Variants in PAAF1 observed in about 807,000 individuals in gnomAD.
PAAF1 encodes proteasomal ATPase associated factor 1.
Under a neutral mutation model 52.8 loss-of-function variants are expected in PAAF1, and 46 were observed. The observed-to-expected ratio is 0.87, with a 90% CI of 0.69 to 1.11. The LOEUF (loss-of-function observed/expected upper bound fraction) is 1.11, where lower values mean the gene tolerates loss of function less well. PAAF1 is among the 50% of genes most tolerant of loss of function. The probability of loss-of-function intolerance (pLI) is 0.00; values close to 1 mark genes in which losing one functional copy is unlikely to be tolerated. For synonymous variants in PAAF1, 178 were observed against 172.8 expected (o/e 1.03, Z -0.24); for missense variants, 424 against 477.4 (o/e 0.89, Z 1.04).
chr11:73,897,558 A>G (rs1393125315), intron 4 of PAAF1, among the ~76,000 whole-genome samples: 1 of 149,616 alleles, frequency 6.7e-6, no homozygotes, highest in Non-Finnish European at 1.5e-5. Context: ...GCGGCCGGGC[A>G]GAGACGCTCC....
intron 4 of PAAF1, among the ~76,000 whole-genome samples, chr11:73,896,752 C>T (rs553359887): frequency 1.4e-4 from 22 of 152,362 alleles, no homozygotes; most frequent in Admixed American, 3.3e-4. Flanking sequence ...CCACCTTTCC[C>T]CCCTTTCTAT....
intron 4 of PAAF1, among the ~76,000 whole-genome samples, chr11:73,893,402 A>G (rs1332616316): frequency 1.3e-5 from 2 of 152,096 alleles, no homozygotes; most frequent in Non-Finnish European, 2.9e-5. Context: ...CTTATGTTAA[A>G]TCAATAAAAT....
chr11:73,927,322 G>C lies in PAAF1; in HGVS notation c.1139G>C (p.Arg380Pro). Residue 380 changes from arginine to proline, a missense_variant, in exon 12 of 12, where the codon CGA (arginine) becomes CCA (proline). By Grantham distance (103) the Arg-to-Pro change is moderately radical (BLOSUM62 -2). Coordinates refer to ENST00000310571, the MANE Select transcript of PAAF1 (RefSeq NM_025155.3). ...TWEKQIYTCC[R>P]DGLVRRYQLS... is the part of the protein sequence containing the mutation. The stretch of plus-strand genomic sequence containing the variant: ...GAGAAGCAGATCTACACATGCTGTC[G>C]AGACGGTCTTGTACGACGCTACCAG... 6.2e-7 allele frequency: 1 copy of C among 1,614,118 alleles called. No individual in the cohort carries two copies. Among genetic ancestry groups the C allele is most frequent in the Non-Finnish European group, 8.5e-7 (1 of 1,180,004 alleles).
At chr11:73,910,148 C>T (rs192268545) in intron 7 of PAAF1, among the ~76,000 whole-genome samples, 2 of 152,232 alleles carry the variant, frequency 1.3e-5, no homozygotes, top group East Asian at 3.9e-4. Context: ...GCATTGAACT[C>T]CTGGGCTCAA....
intron 10 of PAAF1, among the ~76,000 whole-genome samples, chr11:73,923,557 A>T (rs987918059): frequency 6.6e-6 from 1 of 152,052 alleles, no homozygotes; most frequent in Non-Finnish European, 1.5e-5. Flanking sequence ...TTATTTTGAG[A>T]CAGAGTCTCA....
At chr11:73,904,898 G>A (rs1034211884) in intron 6 of PAAF1, among the ~76,000 whole-genome samples, 1 of 152,146 alleles carries the variant, frequency 6.6e-6, no homozygotes, top group Non-Finnish European at 1.5e-5. Flanking sequence ...TTTCTTGAAG[G>A]CAAATGCTTT....
chr11:73,911,527 TTTTCA>T (rs1307988475), intron 7 of PAAF1, among the ~76,000 whole-genome samples: 1 of 152,094 alleles, frequency 6.6e-6, no homozygotes, highest in Non-Finnish European at 1.5e-5. Context: ...TTTCTGTAAT[TTTTCA>T]TTTCCCATTT....
intron 7 of PAAF1, among the ~76,000 whole-genome samples, chr11:73,912,991 C>T (rs1483535833): frequency 6.6e-6 from 1 of 152,232 alleles, no homozygotes; most frequent in Admixed American, 6.5e-5. Flanking sequence ...ATTCTCCCGC[C>T]TCAGCCTCCC....
intron 7 of PAAF1, among the ~76,000 whole-genome samples, chr11:73,909,906 A>T (rs1949882069): frequency 6.6e-6 from 1 of 152,192 alleles, no homozygotes. Context: ...TGGGCCACAC[A>T]TAAAATACAC....
rs1422169790 is a variant in PAAF1, at chr11:73,918,935, T to G, written c.936-15T>G. 4 of 1,609,812 alleles carry G rather than the reference T, an allele frequency of 2.5e-6. No homozygotes were observed. Among genetic ancestry groups the G allele is most frequent in the Non-Finnish European group, 3.4e-6 (4 of 1,177,028 alleles). ...GAAGAAAGAAAGTAAAATTTCCCCT[T>G]TCTCTGAATCCTAGGGCTCCGGTAC... On this transcript the variant is annotated splice_polypyrimidine_tract_variant and intron_variant, in intron 9 of 11. Coordinates refer to ENST00000310571, the MANE Select transcript of PAAF1 (RefSeq NM_025155.3).
In PAAF1 at chr11:73,916,559, T is replaced by C. The variant is rs1456825789; in HGVS notation, c.834T>C (p.Ile278=). 1 of 1,612,136 alleles carries C rather than the reference T, an allele frequency of 6.2e-7. No individual in the cohort carries two copies. Among genetic ancestry groups the C allele is most frequent in the East Asian group, 2.2e-5 (1 of 44,850 alleles). ...LQSRQLVFLF[I]GSDAFNCCTF... The stretch of plus-strand genomic sequence containing the variant: ...CTTGTTCCCAGGTGTTCCTCTTTAT[T>C]GGCTCAGACGCTTTCAACTGCTGTA... The change falls in exon 9 of 12, where the codon ATT becomes ATC. Residue 278 remains isoleucine (I), a synonymous_variant. Coordinates refer to ENST00000310571, the MANE Select transcript of PAAF1 (RefSeq NM_025155.3).
intron 7 of PAAF1, among the ~76,000 whole-genome samples, chr11:73,910,602 G>A (rs1949901407): frequency 6.6e-6 from 1 of 152,006 alleles, no homozygotes; most frequent in Non-Finnish European, 1.5e-5. Flanking sequence ...TGTTCCATAG[G>A]ACAATGTTTT....
rs1950444546 is a variant in PAAF1 at position 73,930,604 on chromosome 11, A to G, written c.*3242A>G. 1 of 151,578 alleles carries G rather than the reference A, an allele frequency of 6.6e-6. No individual in the cohort carries two copies. The highest frequency in any genetic ancestry group is 1.5e-5 in the Non-Finnish European group (1 of 67,940). The allele number at this position is 151,578 out of a possible 1,614,324, so 9.4% of individuals were successfully genotyped here. A position where few individuals can be genotyped will look rare whatever the true frequency, so the allele number is the denominator to read the frequency against. On this transcript the variant is annotated 3_prime_UTR_variant, in exon 12 of 12. Transcript: ENST00000310571. Reference sequence around the variant, plus strand: ...TCTACTAAAAATACAAAACTTAGCCAGGTGTGGTGGTGGGCACCTGTAATA... The same window carrying G: ...TCTACTAAAAATACAAAACTTAGCCGGGTGTGGTGGTGGGCACCTGTAATA...
At chr11:73,899,757 C>T (rs1405304353) in intron 5 of PAAF1, among the ~76,000 whole-genome samples, 3 of 152,118 alleles carry the variant, frequency 2.0e-5, no homozygotes, top group Non-Finnish European at 4.4e-5. Context: ...AGTGATTTGG[C>T]AGAACAGAGT....
At chr11:73,926,434 C>T (rs577119886) in intron 11 of PAAF1, among the ~76,000 whole-genome samples, 7 of 152,178 alleles carry the variant, frequency 4.6e-5, no homozygotes, top group Non-Finnish European at 1.0e-4. Context: ...CGTAGTGTTC[C>T]GGCCGGGCGT....
intron 8 of PAAF1, among the ~76,000 whole-genome samples, chr11:73,915,213 C>A (rs1343229010): frequency 1.3e-5 from 2 of 152,126 alleles, no homozygotes; most frequent in Non-Finnish European, 2.9e-5. Flanking sequence ...CACTTTCCCT[C>A]TCTGGACCTT....
At chr11:73,878,458 G>A (rs1948806924) in intron 1 of PAAF1, among the ~76,000 whole-genome samples, 1 of 152,202 alleles carries the variant, frequency 6.6e-6, no homozygotes, top group African/African-American at 2.4e-5. Flanking sequence ...TATGGAAAGT[G>A]CTTAGCACAG....
At chr11:73,880,687 G>GGAAAAAAAAAA (rs1373166466) in intron 2 of PAAF1, 2 of 40,598 alleles carry the variant, frequency 4.9e-5, no homozygotes, top group Non-Finnish European at 5.4e-5. Context: ...ACTCTGTCTC[G>GGAAAAAAAAAA]AAAAAAAAAA....
chr11:73,917,060 G>T (rs537084531), intron 9 of PAAF1, among the ~76,000 whole-genome samples: 1 of 151,852 alleles, frequency 6.6e-6, no homozygotes, highest in Non-Finnish European at 1.5e-5. Context: ...TCCCTCTGTC[G>T]CCCAGGCTGG....
Sources: allele counts gnomAD v4.1 joint callset (sites outside exome capture counted in the v4.1 genomes callset), GRCh38; gene constraint gnomAD v4.1.1; transcripts MANE v1.5; gene names NCBI Gene and HGNC (gene_info 2026-07-23, HGNC 2026-07-21).